The following PIGL variants were observed in gnomAD, a reference collection of about 807,000 sequenced individuals.
PIGL encodes the protein phosphatidylinositol glycan anchor biosynthesis class L.
PIGL carries 22 observed loss-of-function variants against 31.1 expected under a neutral mutation model. That is an observed-to-expected ratio of 0.71 (90% CI 0.51 to 1.01). PIGL has a LOEUF of 1.01. Among genes scored for constraint, PIGL ranks in the 50% least tolerant of loss-of-function variants. PIGL has a pLI of 0.00. For synonymous variants in PIGL, 131 were observed against 117.4 expected (o/e 1.12, Z -0.75); for missense variants, 302 against 315.9 (o/e 0.96, Z 0.33).
At chr17:16,319,930 T>C (rs114445842) in intron 6 of PIGL, among the ~76,000 whole-genome samples, 2,894 of 151,792 alleles carry the variant, frequency 0.019, 109 homozygotes, top group African/African-American at 0.066. Flanking sequence ...TTCCTCAGTT[T>C]GTCTCCAGGT....
chr17:16,228,175 C>T (rs2092661295), intron 1 of PIGL, among the ~76,000 whole-genome samples: 1 of 151,440 alleles, frequency 6.6e-6, no homozygotes, highest in South Asian at 2.1e-4. Context: ...CCTCAGCCCC[C>T]TGAATAGCTG....
At chr17:16,261,301 C>G (rs1489053625) in intron 2 of PIGL, among the ~76,000 whole-genome samples, 1 of 152,100 alleles carries the variant, frequency 6.6e-6, no homozygotes, top group Non-Finnish European at 1.5e-5. Context: ...AATACTCAGG[C>G]AGAAGGCATC....
intron 3 of PIGL, chr17:16,312,786 C>T (rs1383769910): frequency 1.3e-5 from 2 of 157,412 alleles, no homozygotes; most frequent in Non-Finnish European, 2.8e-5. Flanking sequence ...TCAGGCGTGG[C>T]GGCGCGCGCC....
At chr17:16,221,683 A>C (rs1462595775) in intron 1 of PIGL, among the ~76,000 whole-genome samples, 1 of 151,906 alleles carries the variant, frequency 6.6e-6, no homozygotes, top group Non-Finnish European at 1.5e-5. Flanking sequence ...GCAGTGGCAC[A>C]ATCTCGGCTC....
chr17:16,237,101 CTTTTT>C (rs71150281), intron 2 of PIGL, among the ~76,000 whole-genome samples: 3 of 58,120 alleles, frequency 5.2e-5, no homozygotes, highest in African/African-American at 6.6e-5. Flanking sequence ...CCACACCTGG[CTTTTT>C]TTTTTTTTTT....
rs1415992495 is a variant in PIGL, at chr17:16,217,254, G to T, written c.28G>T (p.Ala10Ser). Residue 10 changes from alanine to serine, a missense_variant, in exon 1 of 7, where the codon GCG (alanine) becomes TCG (serine). Physicochemically the swap from Ala to Ser is moderately conservative, Grantham distance 99. Coordinates refer to ENST00000225609, the MANE Select transcript of PIGL (RefSeq NM_004278.4). MEAMWLLCV[A>S]LAVLAWGFLW... ...GGAAGCAATGTGGCTCCTGTGTGTG[G>T]CGTTGGCGGTCTTGGCATGGGGCTT... 1 of 1,614,206 alleles carries T rather than the reference G, an allele frequency of 6.2e-7. No individual in the cohort carries two copies. Among genetic ancestry groups the T allele is most frequent in the Admixed American group, 1.7e-5 (1 of 60,016 alleles).
At chr17:16,253,698 C>A (rs1035733389) in intron 2 of PIGL, among the ~76,000 whole-genome samples, 2 of 152,126 alleles carry the variant, frequency 1.3e-5, no homozygotes, top group Admixed American at 1.3e-4. Flanking sequence ...AATCCCAGCA[C>A]TTTGGGAGAC....
At chr17:16,307,174 A>T (rs923072242) in intron 3 of PIGL, among the ~76,000 whole-genome samples, 1 of 152,238 alleles carries the variant, frequency 6.6e-6, no homozygotes, top group Non-Finnish European at 1.5e-5. Context: ...CTGACTCTTC[A>T]TGAGGTTCCC....
intron 2 of PIGL, among the ~76,000 whole-genome samples, chr17:16,266,925 G>A (rs964275927): frequency 6.9e-6 from 1 of 145,292 alleles, no homozygotes; most frequent in Non-Finnish European, 1.5e-5. Flanking sequence ...GGGGGTTGTC[G>A]TGGAAATTAA....
chr17:16,225,378 C>T (rs1018839884), intron 1 of PIGL, among the ~76,000 whole-genome samples: 48 of 143,748 alleles, frequency 3.3e-4, no homozygotes, highest in Middle Eastern at 3.7e-3. Flanking sequence ...AATGTAAGCA[C>T]GTTTCTTTTT....
Position 16,317,885 on chromosome 17 carries a change from A to C in PIGL, c.637A>C (p.Ser213Arg). The C allele has an allele frequency of 6.2e-7, 1 of 1,613,698 alleles. No individual in the cohort carries two copies. Among genetic ancestry groups the C allele is most frequent in the South Asian group, 1.1e-5 (1 of 91,074 alleles). Residue 213 changes from serine (S) to arginine (R), a missense_variant, in exon 6 of 7, where the codon AGC (serine) becomes CGC (arginine). Transcript: ENST00000225609. ...GCAGGATGTCCTCTTCGTGCTCAAC[A>C]GCAAAGAAGTGGCACAGGCCAAGGT... ...HTQDVLFVLN[S>R]KEVAQAKKAM...
In PIGL at chr17:16,326,384, C is replaced by T. The variant is rs562635197; in HGVS notation, c.*486C>T. ...ATTTTTCTTGTATCAGAATGTGGGT[C>T]TAGGAAAAACTTGCTCTATTTAACA... On this transcript the variant is annotated 3_prime_UTR_variant, in exon 7 of 7. Coordinates refer to ENST00000225609, the MANE Select transcript of PIGL (RefSeq NM_004278.4). 32 of 158,076 alleles carry T rather than the reference C, an allele frequency of 2.0e-4. No homozygotes were observed. In the South Asian group the frequency reaches 6.1e-3, roughly 30 times the overall value. 9.8% of individuals were successfully genotyped at this position (158,076 alleles called of 1,614,324 possible).
At position 16,220,778 on chromosome 17, in the gene PIGL, G is replaced by T. The variant is rs191772041; in HGVS notation, c.235+3317G>T. Among the ~76,000 whole-genome samples, 761 of 152,046 alleles carry T rather than the reference G, an allele frequency of 5.0e-3. 8 individuals are homozygous for T. The highest frequency in any genetic ancestry group is 0.017 in the African/African-American group (714 of 41,468). On this transcript the variant is annotated intron_variant, in intron 1 of 6. Transcript: ENST00000225609. The stretch of plus-strand genomic sequence containing the variant: ...GCTGGGATTACAGGCGTGAGCCACC[G>T]CGCCCAGCCACGCCAGGCTAATGTT...
intron 2 of PIGL, among the ~76,000 whole-genome samples, chr17:16,288,393 G>C (rs1456673845): frequency 1.3e-5 from 2 of 151,888 alleles, no homozygotes; most frequent in African/African-American, 4.8e-5. Context: ...TTTTAGTAGA[G>C]ATGGGGTTTC....
intron 2 of PIGL, among the ~76,000 whole-genome samples, chr17:16,276,248 A>G (rs925452315): frequency 7.2e-5 from 11 of 152,228 alleles, no homozygotes; most frequent in South Asian, 2.1e-4. Context: ...GAACTGGGCA[A>G]TTGTTGAAAC....
Position 16,313,566 on chromosome 17 carries a change from G to T in PIGL, c.446G>T (p.Gly149Val), listed in dbSNP as rs140211194. 6.2e-7 allele frequency: 1 copy of T among 1,613,824 alleles called. No homozygotes were observed. The highest frequency in any genetic ancestry group is 8.5e-7 in the Non-Finnish European group (1 of 1,179,812). Residue 149 changes from glycine to valine, a missense_variant, in exon 4 of 7, where the codon GGG (glycine) becomes GTG (valine). Gly to Val is a moderately radical substitution (Grantham distance 109). Coordinates refer to ENST00000225609, the MANE Select transcript of PIGL (RefSeq NM_004278.4). ...CTACAGGTGGTGACTTTCGATGCAGGGGGAGTAAGTGGCCACAGCAATCAC... is the reference window on the plus strand; with the variant it reads ...CTACAGGTGGTGACTTTCGATGCAGTGGGAGTAAGTGGCCACAGCAATCAC... Reference protein sequence around the residue: ...GINLVVTFDAGGVSGHSNHIA... With the variant: ...GINLVVTFDAVGVSGHSNHIA...
Position 16,313,620 on chromosome 17 carries a change from A to G in PIGL, c.494+6A>G. 2 of 1,606,928 alleles carry G rather than the reference A, an allele frequency of 1.2e-6. No individual in the cohort carries two copies. The highest frequency in any genetic ancestry group is 2.2e-5 in the East Asian group (1 of 44,830). ...GCTCTGTATGCAGCTGTGAGGTATG[A>G]TTCTCCGGGTGATGGATGTGGGGGA... On this transcript the variant is annotated splice_donor_region_variant and intron_variant, in intron 4 of 6. Transcript: ENST00000225609.
intron 6 of PIGL, among the ~76,000 whole-genome samples, chr17:16,320,316 A>G (rs1326582187): frequency 1.5e-5 from 2 of 130,152 alleles, no homozygotes; most frequent in African/African-American, 5.9e-5. Context: ...AAGGGAAGGA[A>G]GGAAGGGAAG....
At chr17:16,280,696 GT>G (rs199683979) in intron 2 of PIGL, among the ~76,000 whole-genome samples, 1 of 151,608 alleles carries the variant, frequency 6.6e-6, no homozygotes, top group African/African-American at 2.4e-5. Flanking sequence ...TTCACTCAGT[GT>G]TTTTTTTGTT....
Sources: gnomAD v4.1 joint callset for allele counts (sites outside exome capture counted in the v4.1 genomes callset) on GRCh38, gnomAD v4.1.1 for gene constraint, MANE v1.5 for transcripts, NCBI Gene and HGNC (gene_info 2026-07-23, HGNC 2026-07-21) for gene names.